The following MEGF10 variants were observed in gnomAD, a reference collection of about 807,000 sequenced individuals.
MEGF10 encodes the protein multiple EGF like domains 10, also known as multiple epidermal growth factor-like domains protein 10.
A neutral mutation model predicts 147.5 loss-of-function variants in MEGF10; 86 were observed. That is an observed-to-expected ratio of 0.58 (90% CI 0.49 to 0.70). The LOEUF is 0.70. MEGF10 is among the 30% of genes least tolerant of loss of function. The pLI is 0.00. For synonymous variants in MEGF10, 478 were observed against 525.5 expected, an observed-to-expected ratio of 0.91 and a Z score of 1.24; for missense variants, 1,329 against 1,487.3, an observed-to-expected ratio of 0.89 and a Z score of 1.75.
intron 4 of MEGF10, among the ~76,000 whole-genome samples, chr5:127,349,832 C>T (rs1026915946): frequency 6.6e-6 from 1 of 152,054 alleles, no homozygotes; most frequent in Admixed American, 6.6e-5. Flanking sequence ...CAATGTAAGA[C>T]ATATTATTTC....
At chr5:127,400,453 A>G (rs12109001) in intron 7 of MEGF10, among the ~76,000 whole-genome samples, 11,866 of 152,226 alleles carry the variant, frequency 0.078, 1,108 homozygotes, top group African/African-American at 0.22. Flanking sequence ...GTTAAAACTA[A>G]CACTTCTCTC....
At chr5:127,257,561 A>G in the MEGF10 span, among the ~76,000 whole-genome samples, 12 of 152,198 alleles carry the variant, frequency 7.9e-5, no homozygotes, top group Admixed American at 7.2e-4. Flanking sequence ...TTGTAAACCA[A>G]AAAGTATCTG....
the MEGF10 span, among the ~76,000 whole-genome samples, chr5:127,257,959 T>A: frequency 6.6e-6 from 1 of 152,202 alleles, no homozygotes; most frequent in Non-Finnish European, 1.5e-5. Context: ...ACTATTTGAA[T>A]AACATTTGCT....
the MEGF10 span, chr5:127,229,617 G>C: frequency 6.5e-6 from 1 of 152,862 alleles, no homozygotes; most frequent in African/African-American, 2.4e-5. Context: ...GCGAGGCGGC[G>C]GGGAGGCGAG....
In MEGF10 at chr5:127,402,473, TTTC is replaced by T. The variant is rs574792879; in HGVS notation, c.781-66_781-64del. On this transcript the variant is annotated intron_variant, in intron 7 of 24. Transcript: ENST00000503335. ...CATCCCTCCTTTCTATTTCCTCTCT[TTTC>T]TTCTTCATCCATCAGTTGTCTTTCC... 2.1e-3 allele frequency: 3,230 copies of T among 1,525,826 alleles called. 17 individuals are homozygous for T. The highest frequency in any genetic ancestry group is 0.011 in the South Asian group (868 of 77,414). 94.5% of individuals were successfully genotyped at this position (1,525,826 alleles called of 1,614,324 possible). A position where few individuals can be genotyped will look rare whatever the true frequency, so the allele number is the denominator to read the frequency against.
chr5:127,325,640 C>CT (rs1006742227), intron 1 of MEGF10, among the ~76,000 whole-genome samples: 2 of 151,980 alleles, frequency 1.3e-5, no homozygotes, highest in African/African-American at 4.8e-5. Flanking sequence ...CCATGTGGGG[C>CT]TGTGAGCTCC....
chr5:127,422,410 A>T (rs995413988), intron 12 of MEGF10, among the ~76,000 whole-genome samples: 2 of 151,920 alleles, frequency 1.3e-5, no homozygotes, highest in African/African-American at 2.4e-5. Context: ...AGTCCCAGCT[A>T]CTCGGGAGGC....
intron 22 of MEGF10, among the ~76,000 whole-genome samples, chr5:127,453,988 G>GT (rs1263777661): frequency 2.0e-5 from 3 of 152,094 alleles, no homozygotes; most frequent in South Asian, 2.1e-4. Context: ...GAGAAAGCAG[G>GT]TTTTTTTGTG....
At chr5:127,390,308 G>A (rs11952986) in intron 5 of MEGF10, among the ~76,000 whole-genome samples, 1 of 147,088 alleles carries the variant, frequency 6.8e-6, no homozygotes, top group African/African-American at 2.5e-5. Context: ...TTTTTTTTTT[G>A]AGACAGAATC....
chr5:127,438,515 C>T lies in MEGF10; in HGVS notation c.2181C>T (p.Tyr727=), dbSNP rs757670476. 13 of 1,614,000 alleles carry T rather than the reference C, an allele frequency of 8.1e-6. No homozygotes were observed. Among genetic ancestry groups the T allele is most frequent in the East Asian group, 4.5e-5 (2 of 44,896 alleles). Residue 727 remains tyrosine, a synonymous_variant, in exon 17 of 25, where the codon TAC becomes TAT. Transcript: ENST00000503335. The stretch of plus-strand genomic sequence containing the variant: ...ATAATGGAGCTTTCTGCAGCGCCTA[C>T]GATGGGGAATGTAAATGCACTCCTG... ...NCHNGAFCSA[Y]DGECKCTPGW...
At chr5:127,446,727 G>A (rs528747350) in intron 20 of MEGF10, among the ~76,000 whole-genome samples, 2 of 152,332 alleles carry the variant, frequency 1.3e-5, no homozygotes, top group South Asian at 2.1e-4. Flanking sequence ...TTTTAGGAAA[G>A]TGAAGGATTG....
Position 127,327,894 on chromosome 5 carries a change from T to A in MEGF10, c.-18-3397T>A, listed in dbSNP as rs181975045. Among the ~76,000 whole-genome samples, 254 of 152,180 alleles carry A rather than the reference T, an allele frequency of 1.7e-3. 1 individual carries two copies. The highest frequency in any genetic ancestry group is 5.8e-3 in the African/African-American group (240 of 41,504). On this transcript the variant is annotated intron_variant, in intron 1 of 24. Transcript: ENST00000503335. ...CATGCCTGGCTAATTTCTTCTAATT[T>A]TTAGTAGAGACAGGGTTTCACCATG...
chr5:127,425,464 G>A (rs1765179153), intron 13 of MEGF10, among the ~76,000 whole-genome samples: 1 of 152,100 alleles, frequency 6.6e-6, no homozygotes, highest in Non-Finnish European at 1.5e-5. Context: ...CTTCTGTGTG[G>A]GCTGTTGGTC....
At chr5:127,410,328 CTG>C in intron 8 of MEGF10, 59 bp from the exon 9 acceptor site, 1 of 1,500,170 alleles carries the variant, frequency 6.7e-7, no homozygotes, top group Non-Finnish European at 9.2e-7. Flanking sequence ...TCCAAATTAA[CTG>C]TTTATTTTCA....
chr5:127,297,464 G>T (rs1759555136), intron 1 of MEGF10, among the ~76,000 whole-genome samples: 1 of 152,054 alleles, frequency 6.6e-6, no homozygotes. Context: ...CAACTGAGCA[G>T]GTAAGCCTGG....
chr5:127,403,796 G>A (rs56914580), intron 8 of MEGF10, among the ~76,000 whole-genome samples: 6,780 of 152,188 alleles, frequency 0.045, 193 homozygotes, highest in African/African-American at 0.083. Flanking sequence ...TGGCTGAATA[G>A]TACTCCATTG....
intron 13 of MEGF10, among the ~76,000 whole-genome samples, chr5:127,431,511 G>A (rs1765386028): frequency 6.6e-6 from 1 of 152,052 alleles, no homozygotes. Flanking sequence ...ATAAAAAATC[G>A]GGACTGCTTT....
At chr5:127,321,553 G>T (rs1760785417) in intron 1 of MEGF10, among the ~76,000 whole-genome samples, 2 of 152,052 alleles carry the variant, frequency 1.3e-5, no homozygotes, top group Admixed American at 6.6e-5. Context: ...TCCTCATAAG[G>T]TCTTTGTTCC....
chr5:127,259,228 A>G, the MEGF10 span, among the ~76,000 whole-genome samples: 1 of 151,996 alleles, frequency 6.6e-6, no homozygotes, highest in African/African-American at 2.4e-5. Context: ...ATCATCTGCC[A>G]CTCCCAGGCC....
Sources: allele counts gnomAD v4.1 joint callset (sites outside exome capture counted in the v4.1 genomes callset), GRCh38; gene constraint gnomAD v4.1.1; transcripts MANE v1.5; gene names NCBI Gene and HGNC (gene_info 2026-07-23, HGNC 2026-07-21).